The following VAC14 variants were observed in gnomAD, a reference collection of about 807,000 sequenced individuals.
The protein encoded by VAC14 is VAC14 component of PIKFYVE complex.
VAC14 carries 47 observed loss-of-function variants against 85.3 expected under a neutral mutation model. The ratio of observed to expected loss-of-function variants is 0.55; its 90% confidence interval spans 0.44 to 0.70. The LOEUF (loss-of-function observed/expected upper bound fraction) is 0.70. Ranked by LOEUF, VAC14 falls within the 30% of genes least tolerant of loss-of-function variation. The pLI is 0.00. For synonymous variants in VAC14, 447 were observed against 430.5 expected (o/e 1.04, Z -0.47); for missense variants, 861 against 1,004.3 (o/e 0.86, Z 1.93).
intron 17 of VAC14, among the ~76,000 whole-genome samples, chr16:70,694,045 C>T (rs1343171712): frequency 6.6e-6 from 1 of 152,236 alleles, no homozygotes. Flanking sequence ...CCCTTTGGGC[C>T]TTTGGGAAGC....
intron 14 of VAC14, among the ~76,000 whole-genome samples, chr16:70,718,135 T>C (rs1478487599): frequency 6.6e-6 from 1 of 152,232 alleles, no homozygotes; most frequent in Non-Finnish European, 1.5e-5. Flanking sequence ...CTCACAGTTA[T>C]CTACTAGTTG....
At chr16:70,700,871 G>A (rs1034083428) in intron 14 of VAC14, among the ~76,000 whole-genome samples, 2 of 152,182 alleles carry the variant, frequency 1.3e-5, no homozygotes, top group Non-Finnish European at 2.9e-5. Flanking sequence ...CAGCTGAGCC[G>A]CTGCCAGGCA....
chr16:70,732,251 T>C (rs1158090370), intron 13 of VAC14, among the ~76,000 whole-genome samples: 1 of 152,254 alleles, frequency 6.6e-6, no homozygotes, highest in Non-Finnish European at 1.5e-5. Flanking sequence ...TTTTAAACTT[T>C]ACTTTTGAAA....
At chr16:70,789,508 C>A (rs527840372) in intron 1 of VAC14, among the ~76,000 whole-genome samples, 3 of 152,172 alleles carry the variant, frequency 2.0e-5, no homozygotes, top group Admixed American at 6.5e-5. Flanking sequence ...ACATCTGGGG[C>A]ATTGGTGGTT....
chr16:70,698,815 G>A lies in VAC14; in HGVS notation c.1662-4C>T. On this transcript the variant is annotated splice_region_variant and splice_polypyrimidine_tract_variant and intron_variant, in intron 14 of 18. Transcript: ENST00000261776. ...ATTCAGCAGGAGGCACAGCTGCCTG[G>A]AGAGCAGGCAGACTGGGGTCAGGGC... 6.2e-7 allele frequency: 1 copy of A among 1,613,624 alleles called. No individual in the cohort carries two copies. Among genetic ancestry groups the A allele is most frequent in the Non-Finnish European group, 8.5e-7 (1 of 1,179,946 alleles).
At chr16:70,695,415 G>T in intron 17 of VAC14, 129 bp downstream of exon 17, 1 of 872,822 alleles carries the variant, frequency 1.1e-6, no homozygotes, top group Non-Finnish European at 1.8e-6. Flanking sequence ...CATTCCAGAA[G>T]CTTCCCTGGG....
intron 9 of VAC14, among the ~76,000 whole-genome samples, chr16:70,777,781 G>A (rs1379680099): frequency 6.6e-6 from 1 of 152,176 alleles, no homozygotes; most frequent in Admixed American, 6.5e-5. Context: ...TGCTGTCGGC[G>A]GATCAGCACA....
rs558846622 is a variant in VAC14 at position 70,775,505 on chromosome 16, G to A, written c.1097-3333C>T. On this transcript the variant is annotated intron_variant, in intron 9 of 18. Transcript: ENST00000261776. ...CATAGACCTTTTCTCCTAGTAAAGG[G>A]GGCCTTTATTTCCATGTCTGTACTG... 2.0e-5 allele frequency among the ~76,000 whole-genome samples: 3 copies of A among 152,316 alleles called. 1 individual carries two copies. The highest frequency in any genetic ancestry group is 7.2e-5 in the African/African-American group (3 of 41,570).
chr16:70,746,661 C>T (rs1236742518), intron 12 of VAC14, among the ~76,000 whole-genome samples: 2 of 152,158 alleles, frequency 1.3e-5, no homozygotes, highest in African/African-American at 4.8e-5. Flanking sequence ...ACAGAGCCTC[C>T]AGGGATTCTT....
chr16:70,732,958 A>T (rs923491171), intron 13 of VAC14, among the ~76,000 whole-genome samples: 1 of 152,172 alleles, frequency 6.6e-6, no homozygotes, highest in African/African-American at 2.4e-5. Context: ...CCAAGGCAGG[A>T]CATCTTTAAA....
At position 70,763,634 on chromosome 16, in the gene VAC14, ACCC is replaced by A. The variant is rs1267138279; in HGVS notation, c.1161-612_1161-610del. Among the ~76,000 whole-genome samples the A allele has an allele frequency of 6.6e-5, 10 of 152,262 alleles. No individual in the cohort carries two copies. In the East Asian group the frequency reaches 1.7e-3, roughly 26 times the overall value. On this transcript the variant is annotated intron_variant, in intron 10 of 18. Coordinates refer to ENST00000261776, the MANE Select transcript of VAC14 (RefSeq NM_018052.5). ...TCAGCACATTTGGCCTAGGAGAGAC[ACCC>A]TTGAGAGTTAAGACCAAAATGCGCT...
chr16:70,792,868 CA>C (rs1180682236), intron 1 of VAC14, among the ~76,000 whole-genome samples: 2 of 152,204 alleles, frequency 1.3e-5, no homozygotes, highest in African/African-American at 4.8e-5. Flanking sequence ...CTGAGTATTC[CA>C]GGGGTCAGTT....
intron 14 of VAC14, among the ~76,000 whole-genome samples, chr16:70,717,766 C>T (rs1436467834): frequency 6.6e-6 from 1 of 152,202 alleles, no homozygotes; most frequent in African/African-American, 2.4e-5. Context: ...CTCGCCTCAG[C>T]CTCCTGAGTA....
At chr16:70,719,756 C>A (rs2054243784) in intron 14 of VAC14, among the ~76,000 whole-genome samples, 1 of 152,176 alleles carries the variant, frequency 6.6e-6, no homozygotes, top group South Asian at 2.1e-4. Context: ...AACTGGAACT[C>A]TCCCACAATG....
chr16:70,705,194 A>G (rs2142993723), intron 14 of VAC14, among the ~76,000 whole-genome samples: 1 of 152,164 alleles, frequency 6.6e-6, no homozygotes, highest in Non-Finnish European at 1.5e-5. Context: ...CCATGCACTC[A>G]CTGGGTGCAG....
At chr16:70,704,391 A>G (rs979991358) in intron 14 of VAC14, among the ~76,000 whole-genome samples, 29 of 152,110 alleles carry the variant, frequency 1.9e-4, no homozygotes, top group Admixed American at 1.1e-3. Flanking sequence ...GGGGCCACAC[A>G]CTGCATCTCC....
intron 14 of VAC14, among the ~76,000 whole-genome samples, chr16:70,718,606 T>G (rs1597878744): frequency 6.6e-6 from 1 of 150,534 alleles, no homozygotes; most frequent in Non-Finnish European, 1.5e-5. Context: ...CAAAGAAAAC[T>G]GTGCTTGGGA....
chr16:70,748,650 G>C (rs1467305853), intron 12 of VAC14, among the ~76,000 whole-genome samples: 1 of 152,196 alleles, frequency 6.6e-6, no homozygotes. Flanking sequence ...AGATCTTCAA[G>C]AGCTCATGAC....
chr16:70,772,916 G>GA (rs2033318460), intron 9 of VAC14: 1 of 152,218 alleles, frequency 6.6e-6, no homozygotes, highest in South Asian at 2.1e-4. Flanking sequence ...ATGAAGTACT[G>GA]ATGCACGCCA....
Sources: allele counts gnomAD v4.1 joint callset (sites outside exome capture counted in the v4.1 genomes callset), GRCh38; gene constraint gnomAD v4.1.1; transcripts MANE v1.5; gene names NCBI Gene and HGNC (gene_info 2026-07-23, HGNC 2026-07-21).